Variants in OXSR1 observed in about 807,000 individuals in gnomAD.
The protein encoded by OXSR1 is serine/threonine-protein kinase OSR1.
A neutral mutation model predicts 79.8 loss-of-function variants in OXSR1; 24 were observed. The ratio of observed to expected loss-of-function variants is 0.30; its 90% confidence interval spans 0.22 to 0.42. OXSR1 has a LOEUF of 0.42. OXSR1 is among the 10% of genes least tolerant of loss of function. The pLI is 1.00. For missense variants in OXSR1, 430 were observed against 618.4 expected (o/e 0.70, Z 3.23); for synonymous variants, 226 against 209.2 (o/e 1.08, Z -0.69).
At chr3:38,165,067 C>T (rs1701408640), upstream of OXSR1, 1 of 152,224 alleles carries the variant, frequency 6.6e-6, no homozygotes, top group South Asian at 2.1e-4. Context: ...AGTGGTAAGA[C>T]GAGCGCGGTA....
At chr3:38,249,151 A>G (rs992169263) in intron 14 of OXSR1, among the ~76,000 whole-genome samples, 2 of 152,226 alleles carry the variant, frequency 1.3e-5, no homozygotes, top group Non-Finnish European at 2.9e-5. Context: ...ATTATTCATC[A>G]AATAGAAGTA....
chr3:38,227,562 C>G (rs985612616), intron 8 of OXSR1, among the ~76,000 whole-genome samples: 1 of 150,550 alleles, frequency 6.6e-6, no homozygotes, highest in African/African-American at 2.5e-5. Context: ...CACACACACA[C>G]ACACACACAC....
intron 2 of OXSR1, among the ~76,000 whole-genome samples, chr3:38,187,774 C>T (rs1193023302): frequency 2.6e-5 from 4 of 152,074 alleles, no homozygotes; most frequent in African/African-American, 7.2e-5. Flanking sequence ...TAAATAGAGG[C>T]GGAGTCTCAC....
intron 10 of OXSR1, among the ~76,000 whole-genome samples, chr3:38,234,209 G>T (rs1702871932): frequency 6.6e-6 from 1 of 152,132 alleles, no homozygotes; most frequent in Non-Finnish European, 1.5e-5. Context: ...CCTTAGATAT[G>T]ATACCAAAAA....
At chr3:38,211,747 C>T (rs1300617739) in intron 4 of OXSR1, among the ~76,000 whole-genome samples, 1 of 152,180 alleles carries the variant, frequency 6.6e-6, no homozygotes. Flanking sequence ...TCTTCTGTCT[C>T]CCAGGTCTTC....
intron 1 of OXSR1, among the ~76,000 whole-genome samples, chr3:38,167,084 A>C (rs1701480156): frequency 6.6e-6 from 1 of 152,140 alleles, no homozygotes; most frequent in Non-Finnish European, 1.5e-5. Flanking sequence ...ATAGAGAGGG[A>C]AGGGAGGAGC....
intron 13 of OXSR1, among the ~76,000 whole-genome samples, chr3:38,246,776 G>A (rs1703150077): frequency 6.6e-6 from 1 of 152,070 alleles, no homozygotes; most frequent in Non-Finnish European, 1.5e-5. Context: ...TGAAGGCCCC[G>A]TAGTGGGCTG....
intron 17 of OXSR1, 36 bp downstream of exon 17, chr3:38,252,428 C>T (rs370301817): frequency 2.9e-5 from 39 of 1,353,702 alleles, no homozygotes; most frequent in East Asian, 2.7e-4. Flanking sequence ...AACATCTTGC[C>T]TTTTATACAC....
chr3:38,178,309 G>A (rs1002530868), intron 1 of OXSR1, among the ~76,000 whole-genome samples: 7 of 152,062 alleles, frequency 4.6e-5, no homozygotes, highest in African/African-American at 1.7e-4. Flanking sequence ...TCATGTTGGT[G>A]TTGTATGTAT....
At chr3:38,168,362 A>G (rs1393125030) in intron 1 of OXSR1, among the ~76,000 whole-genome samples, 1 of 151,732 alleles carries the variant, frequency 6.6e-6, no homozygotes, top group Non-Finnish European at 1.5e-5. Flanking sequence ...CCCTTTTTCC[A>G]CCTCCAGCCT....
upstream of OXSR1, among the ~76,000 whole-genome samples, chr3:38,164,442 G>A (rs1439870831): frequency 1.3e-5 from 2 of 152,180 alleles, no homozygotes; most frequent in Non-Finnish European, 2.9e-5. Context: ...CACCGCACCC[G>A]GCCTAAGGTC....
intron 2 of OXSR1, among the ~76,000 whole-genome samples, chr3:38,185,664 TA>T (rs1290663504): frequency 1.1e-4 from 16 of 143,950 alleles, no homozygotes; most frequent in African/African-American, 2.3e-4. Flanking sequence ...AACCTGCTGC[TA>T]GGGGTGGTTG....
intron 2 of OXSR1, among the ~76,000 whole-genome samples, chr3:38,187,307 C>T (rs1575318924): frequency 1.3e-5 from 2 of 152,208 alleles, no homozygotes; most frequent in East Asian, 1.9e-4. Context: ...ACATAGATTA[C>T]AACACATAGT....
At chr3:38,232,133 C>G (rs1235619313) in intron 10 of OXSR1, among the ~76,000 whole-genome samples, 3 of 151,892 alleles carry the variant, frequency 2.0e-5, no homozygotes, top group Non-Finnish European at 4.4e-5. Context: ...GAGCGAGCCT[C>G]AGACCGGGGA....
intron 12 of OXSR1, among the ~76,000 whole-genome samples, chr3:38,243,465 A>T (rs1000392509): frequency 2.6e-5 from 4 of 152,118 alleles, no homozygotes; most frequent in African/African-American, 9.7e-5. Context: ...TGTCAGTATG[A>T]TAGGAAATCT....
At chr3:38,246,791 A>C (rs1377941433) in intron 13 of OXSR1, among the ~76,000 whole-genome samples, 1 of 152,164 alleles carries the variant, frequency 6.6e-6, no homozygotes, top group Non-Finnish European at 1.5e-5. Context: ...GGGCTGCTAC[A>C]TGCTGTGTAA....
intron 12 of OXSR1, 135 bp from the exon 13 acceptor site, chr3:38,245,940 C>T (rs1003821875): frequency 5.8e-6 from 4 of 695,590 alleles, no homozygotes; most frequent in East Asian, 2.5e-5. Flanking sequence ...TAGATATATT[C>T]GGAGTAGACA....
rs1703318873 is a variant in OXSR1 at position 38,254,387 on chromosome 3, T to A, written c.*1496T>A. 2.5e-6 allele frequency: 1 copy of A among 393,652 alleles called. No individual in the cohort carries two copies. 24.4% of individuals were successfully genotyped at this position (393,652 alleles called of 1,614,324 possible). On this transcript the variant is annotated 3_prime_UTR_variant, in exon 18 of 18. Coordinates refer to ENST00000311806, the MANE Select transcript of OXSR1 (RefSeq NM_005109.3). The stretch of plus-strand genomic sequence containing the variant: ...AGTCATGGGCTTTCTTCACCTGCTC[T>A]AGGTGCAAAGGCATGTTGGGAAAGA...
intron 3 of OXSR1, among the ~76,000 whole-genome samples, chr3:38,197,052 G>A (rs749614267): frequency 4.6e-5 from 7 of 152,182 alleles, no homozygotes; most frequent in Non-Finnish European, 8.8e-5. Context: ...TTTCCTGAAC[G>A]GTGAAACATG....
Sources: gnomAD v4.1 joint callset for allele counts (sites outside exome capture counted in the v4.1 genomes callset) on GRCh38, gnomAD v4.1.1 for gene constraint, MANE v1.5 for transcripts, NCBI Gene and HGNC (gene_info 2026-07-23, HGNC 2026-07-21) for gene names.